Variants in CSMD1 observed in about 807,000 individuals in gnomAD.
CSMD1 encodes CUB and sushi domain-containing protein 1.
CSMD1 carries 213 observed loss-of-function variants against 417.5 expected under a neutral mutation model. The ratio of observed to expected loss-of-function variants is 0.51; its 90% CI spans 0.46 to 0.57. CSMD1 has a LOEUF of 0.57. Among genes scored for constraint, CSMD1 ranks in the 20% least tolerant of loss-of-function variants. The pLI is 0.00. For missense variants in CSMD1, 6,923 were observed against 4,529.7 expected, an observed-to-expected ratio of 1.53 and a Z score of -15.17; for synonymous variants, 2,862 against 1,736.8, an observed-to-expected ratio of 1.65 and a Z score of -16.11.
At position 4,111,241 on chromosome 8, in the gene CSMD1, T is replaced by A. The variant is rs551560191; in HGVS notation, c.416-79142A>T. The stretch of plus-strand genomic sequence containing the variant: ...ATCTTTTGGTTCCACGTCTTTGCTT[T>A]CTATTATCATCAGTCAGTTTGTTTT... On this transcript the variant is annotated intron_variant, in intron 3 of 69. Transcript: ENST00000635120. Among the ~76,000 whole-genome samples, 3 of 152,306 alleles carry A rather than the reference T, an allele frequency of 2.0e-5. No individual in the cohort carries two copies. The East Asian group carries it at 5.8e-4, about 29-fold the overall frequency.
chr8:4,334,576 G>A (rs1429217742), intron 3 of CSMD1, among the ~76,000 whole-genome samples: 1 of 152,114 alleles, frequency 6.6e-6, no homozygotes, highest in African/African-American at 2.4e-5. Context: ...GGATGACAGA[G>A]AGACATCTCT....
chr8:3,000,964 C>G (rs1223863231), intron 52 of CSMD1, among the ~76,000 whole-genome samples: 1 of 151,340 alleles, frequency 6.6e-6, no homozygotes, highest in Non-Finnish European at 1.5e-5. Context: ...TGACATTATT[C>G]CACTCACTCC....
At chr8:3,277,161 A>G (rs1369068460) in intron 26 of CSMD1, among the ~76,000 whole-genome samples, 1 of 151,984 alleles carries the variant, frequency 6.6e-6, no homozygotes, top group East Asian at 1.9e-4. Flanking sequence ...AGAGTGGAGG[A>G]TGGTGATTGA....
At chr8:4,216,724 C>G (rs1006151006) in intron 3 of CSMD1, among the ~76,000 whole-genome samples, 1 of 152,018 alleles carries the variant, frequency 6.6e-6, no homozygotes, top group African/African-American at 2.4e-5. Flanking sequence ...GGGGTATAAA[C>G]GAATGGAGAT....
chr8:4,559,992 T>C (rs540477350), intron 2 of CSMD1, among the ~76,000 whole-genome samples: 2 of 152,302 alleles, frequency 1.3e-5, no homozygotes, highest in African/African-American at 4.8e-5. Context: ...CTCCTGGCTG[T>C]GCTTCAAGAG....
At chr8:3,363,569 C>T (rs546248227) in intron 20 of CSMD1, among the ~76,000 whole-genome samples, 7 of 151,928 alleles carry the variant, frequency 4.6e-5, no homozygotes, top group East Asian at 1.9e-4. Flanking sequence ...GCTGTATTGC[C>T]GAGGCTGGAG....
chr8:4,314,571 CT>C (rs1263475840), intron 3 of CSMD1, among the ~76,000 whole-genome samples: 27 of 151,182 alleles, frequency 1.8e-4, no homozygotes, highest in African/African-American at 5.8e-4. Flanking sequence ...TCCACAATCA[CT>C]TTTACTTATG....
intron 1 of CSMD1, among the ~76,000 whole-genome samples, chr8:4,680,161 A>T (rs1452261095): frequency 3.3e-5 from 5 of 152,246 alleles, no homozygotes; most frequent in African/African-American, 1.2e-4. Flanking sequence ...CAGTGTATGT[A>T]GAATCAGACC....
chr8:4,335,945 G>C (rs1007351933), intron 3 of CSMD1, among the ~76,000 whole-genome samples: 1 of 152,106 alleles, frequency 6.6e-6, no homozygotes, highest in African/African-American at 2.4e-5. Flanking sequence ...TGGAGGATAA[G>C]CACAGGGAGG....
At chr8:4,896,472 A>G (rs1355600357) in intron 1 of CSMD1, among the ~76,000 whole-genome samples, 1 of 152,068 alleles carries the variant, frequency 6.6e-6, no homozygotes, top group Non-Finnish European at 1.5e-5. Context: ...GAAACTCTCA[A>G]ACTGAAACTC....
At chr8:3,612,541 G>C (rs1316702051) in intron 8 of CSMD1, among the ~76,000 whole-genome samples, 1 of 152,104 alleles carries the variant, frequency 6.6e-6, no homozygotes, top group Non-Finnish European at 1.5e-5. Context: ...TACCAAGATA[G>C]AGCATATTCT....
intron 5 of CSMD1, among the ~76,000 whole-genome samples, chr8:3,853,369 T>C (rs1055422041): frequency 6.6e-6 from 1 of 152,194 alleles, no homozygotes; most frequent in Non-Finnish European, 1.5e-5. Flanking sequence ...AAAGGTATTG[T>C]TATGTAATGT....
chr8:3,542,098 T>C (rs889715895), intron 10 of CSMD1, among the ~76,000 whole-genome samples: 1 of 152,200 alleles, frequency 6.6e-6, no homozygotes, highest in Non-Finnish European at 1.5e-5. Flanking sequence ...TCTATAGTCT[T>C]TAAAAAATTC....
At chr8:4,425,477 T>C (rs913383857) in intron 2 of CSMD1, among the ~76,000 whole-genome samples, 3 of 152,044 alleles carry the variant, frequency 2.0e-5, no homozygotes, top group Non-Finnish European at 4.4e-5. Flanking sequence ...AGAGCTAAAT[T>C]TGTGATTAAA....
At chr8:3,466,224 G>C (rs755851632) in intron 12 of CSMD1, among the ~76,000 whole-genome samples, 13 of 151,422 alleles carry the variant, frequency 8.6e-5, no homozygotes, top group East Asian at 1.9e-4. Context: ...TTAATGACGA[G>C]TCTGATACAC....
intron 5 of CSMD1, among the ~76,000 whole-genome samples, chr8:3,801,445 G>A (rs982596437): frequency 6.6e-6 from 1 of 152,142 alleles, no homozygotes; most frequent in East Asian, 1.9e-4. Flanking sequence ...ATACCCACTA[G>A]AAGGGCTATC....
At chr8:3,930,456 G>T (rs114246189) in intron 5 of CSMD1, among the ~76,000 whole-genome samples, 2 of 150,536 alleles carry the variant, frequency 1.3e-5, no homozygotes, top group Admixed American at 1.3e-4. Context: ...TTATTTGAAG[G>T]TCTTTTTACC....
intron 5 of CSMD1, among the ~76,000 whole-genome samples, chr8:3,861,633 T>A (rs955778642): frequency 2.0e-5 from 3 of 152,174 alleles, no homozygotes; most frequent in Admixed American, 6.6e-5. Flanking sequence ...GTGAAGCTTG[T>A]TGTCTTGGAG....
chr8:3,465,821 T>G (rs1816763488), intron 12 of CSMD1, among the ~76,000 whole-genome samples: 2 of 152,150 alleles, frequency 1.3e-5, no homozygotes, highest in African/African-American at 4.8e-5. Flanking sequence ...GCATAGCAGT[T>G]TGTCTAGGGT....
Sources: allele counts gnomAD v4.1 joint callset (sites outside exome capture counted in the v4.1 genomes callset), GRCh38; gene constraint gnomAD v4.1.1; transcripts MANE v1.5; gene names NCBI Gene and HGNC (gene_info 2026-07-23, HGNC 2026-07-21).